RALGAPA2: variants seen among roughly 807,000 people sequenced by gnomAD.
RALGAPA2 encodes Ral GTPase activating protein catalytic subunit alpha 2.
A neutral mutation model predicts 230.4 loss-of-function variants in RALGAPA2; 139 were observed. That is an observed-to-expected ratio of 0.60 (90% CI 0.53 to 0.69). The LOEUF is 0.69. Among genes scored for constraint, RALGAPA2 ranks in the 30% least tolerant of loss-of-function variants. The pLI, the probability that RALGAPA2 is intolerant of heterozygous loss-of-function variation, is 0.00. For synonymous variants in RALGAPA2, 847 were observed against 837.8 expected (o/e 1.01, Z -0.19); for missense variants, 2,163 against 2,276.0 (o/e 0.95, Z 1.01).
At position 20,501,415 on chromosome 20, in the gene RALGAPA2, T is replaced by C. The variant is rs148459506; in HGVS notation, c.5208+1936A>G. ...TTTCATTTTATGAAGACAGCTTCTT[T>C]CCTCAAACTTCATGAACCAACCTCG... is the stretch of plus-strand genomic sequence containing the variant. On this transcript the variant is annotated intron_variant, in intron 35 of 39. Coordinates refer to ENST00000202677, the MANE Select transcript of RALGAPA2 (RefSeq NM_020343.4). 5.9e-5 allele frequency among the ~76,000 whole-genome samples: 9 copies of C among 152,334 alleles called. No homozygotes were observed. In the Middle Eastern group the frequency reaches 0.01, roughly 173 times the overall value.
At chr20:20,511,628 T>C (rs1309891041) in intron 32 of RALGAPA2, among the ~76,000 whole-genome samples, 1 of 152,200 alleles carries the variant, frequency 6.6e-6, no homozygotes, top group Middle Eastern at 3.2e-3. Context: ...TGAATCCCTT[T>C]TCCCTACCTC....
intron 3 of RALGAPA2, among the ~76,000 whole-genome samples, chr20:20,664,949 C>T (rs937217426): frequency 1.3e-5 from 2 of 152,162 alleles, no homozygotes; most frequent in African/African-American, 4.8e-5. Context: ...CCAGACCCTT[C>T]CAACCTGTAC....
chr20:20,604,507 T>C (rs2065757594), intron 15 of RALGAPA2, among the ~76,000 whole-genome samples: 1 of 152,216 alleles, frequency 6.6e-6, no homozygotes, highest in African/African-American at 2.4e-5. Context: ...TGAGTTGTAT[T>C]TATCCAGCTT....
chr20:20,578,975 T>G (rs1279370663), intron 20 of RALGAPA2, among the ~76,000 whole-genome samples: 1 of 152,152 alleles, frequency 6.6e-6, no homozygotes, highest in African/African-American at 2.4e-5. Flanking sequence ...ATTTCATGAC[T>G]TCGAAACACA....
rs537442941 is a variant in RALGAPA2 at position 20,565,242 on chromosome 20, A to T, written c.3156+6216T>A. Among the ~76,000 whole-genome samples the T allele has an allele frequency of 1.2e-3, 180 of 152,308 alleles. 1 individual carries two copies. The highest frequency in any genetic ancestry group is 4.0e-3 in the African/African-American group (168 of 41,574). The stretch of plus-strand genomic sequence containing the variant: ...CTTTCCTGGAACTGAATACTCACTT[A>T]TGTTTCACCTTAAATATACTTTGAA... On this transcript the variant is annotated intron_variant, in intron 23 of 39. Coordinates refer to ENST00000202677, the MANE Select transcript of RALGAPA2 (RefSeq NM_020343.4).
intron 16 of RALGAPA2, among the ~76,000 whole-genome samples, chr20:20,592,265 G>C (rs77782276): frequency 6.6e-6 from 1 of 152,094 alleles, no homozygotes; most frequent in Admixed American, 6.6e-5. Flanking sequence ...TTAGAGATTC[G>C]TCAAACATCC....
At chr20:20,436,697 A>G (rs891296684) in intron 37 of RALGAPA2, among the ~76,000 whole-genome samples, 2 of 152,200 alleles carry the variant, frequency 1.3e-5, no homozygotes, top group African/African-American at 4.8e-5. Flanking sequence ...ATAAGGTTGG[A>G]GGCCGAAGAG....
In RALGAPA2 at chr20:20,438,143, C is replaced by T. The variant is rs550210242; in HGVS notation, c.5496-25995G>A. Among the ~76,000 whole-genome samples the T allele has an allele frequency of 3.2e-4, 49 of 152,290 alleles. 1 individual carries two copies. The highest frequency in any genetic ancestry group is 2.1e-4 in the South Asian group (1 of 4,828). The stretch of plus-strand genomic sequence containing the variant: ...CTAGCTGAAATGAAACATTTCTTTC[C>T]GTTATAAATAGGAACATACCACAGT... On this transcript the variant is annotated intron_variant, in intron 37 of 39. Transcript: ENST00000202677.
chr20:20,607,286 G>A (rs951182165), intron 14 of RALGAPA2, among the ~76,000 whole-genome samples: 1 of 152,058 alleles, frequency 6.6e-6, no homozygotes, highest in African/African-American at 2.4e-5. Context: ...ATTTAAAGTG[G>A]TCCTTCTGTA....
At chr20:20,451,564 C>T (rs958394486) in intron 37 of RALGAPA2, among the ~76,000 whole-genome samples, 1 of 152,134 alleles carries the variant, frequency 6.6e-6, no homozygotes, top group South Asian at 2.1e-4. Context: ...ATTCCTGACT[C>T]TGAAATGTTT....
chr20:20,397,829 T>C (rs965077727), intron 38 of RALGAPA2, among the ~76,000 whole-genome samples: 1 of 152,226 alleles, frequency 6.6e-6, no homozygotes, highest in Non-Finnish European at 1.5e-5. Flanking sequence ...AAATTGTCCC[T>C]TTCTCCCAAG....
At chr20:20,698,032 C>T (rs2069185916) in intron 1 of RALGAPA2, among the ~76,000 whole-genome samples, 1 of 151,794 alleles carries the variant, frequency 6.6e-6, no homozygotes, top group East Asian at 1.9e-4. Context: ...TACAAATGTA[C>T]TCAACATATA....
intron 23 of RALGAPA2, among the ~76,000 whole-genome samples, chr20:20,566,998 T>C (rs1328078173): frequency 6.6e-6 from 1 of 152,260 alleles, no homozygotes; most frequent in African/African-American, 2.4e-5. Flanking sequence ...AAAATGTCTA[T>C]ATGCATATTT....
At chr20:20,470,909 T>TA (rs1427264268) in intron 37 of RALGAPA2, 1 of 152,204 alleles carries the variant, frequency 6.6e-6, no homozygotes, top group East Asian at 1.9e-4. Flanking sequence ...TCCATCTCTA[T>TA]AAAAAATTAG....
intron 34 of RALGAPA2, chr20:20,505,156 C>T: frequency 2.0e-6 from 2 of 985,286 alleles, no homozygotes; most frequent in Middle Eastern, 5.2e-4. Flanking sequence ...CTGGGAGAGC[C>T]CATCTGACTA....
chr20:20,579,863 T>A (rs1024440234), intron 20 of RALGAPA2, among the ~76,000 whole-genome samples: 1 of 152,162 alleles, frequency 6.6e-6, no homozygotes, highest in Non-Finnish European at 1.5e-5. Flanking sequence ...ATATCATATA[T>A]CATGATTCCA....
intron 36 of RALGAPA2, among the ~76,000 whole-genome samples, chr20:20,477,589 C>A (rs548558071): frequency 1.4e-4 from 21 of 152,230 alleles, no homozygotes; most frequent in Admixed American, 4.6e-4. Flanking sequence ...TCCACTTACA[C>A]ATTTTCTTTT....
chr20:20,702,586 G>A (rs1232580219), intron 1 of RALGAPA2, among the ~76,000 whole-genome samples: 1 of 152,164 alleles, frequency 6.6e-6, no homozygotes, highest in African/African-American at 2.4e-5. Context: ...CTCAGTAATG[G>A]GCTAAGAGCT....
chr20:20,547,164 CA>C (rs1464885440), intron 23 of RALGAPA2, among the ~76,000 whole-genome samples: 2 of 152,196 alleles, frequency 1.3e-5, no homozygotes, highest in African/African-American at 4.8e-5. Context: ...TTAAAACCTT[CA>C]AATATCTATC....
Sources: allele counts gnomAD v4.1 joint callset (sites outside exome capture counted in the v4.1 genomes callset), GRCh38; gene constraint gnomAD v4.1.1; transcripts MANE v1.5; gene names NCBI Gene and HGNC (gene_info 2026-07-23, HGNC 2026-07-21).